RASA3: variants seen among roughly 807,000 people sequenced by gnomAD.
The protein encoded by RASA3 is ras GTPase-activating protein 3.
A neutral mutation model predicts 110.0 loss-of-function variants in RASA3; 73 were observed. That is an observed-to-expected ratio of 0.66 (90% CI 0.55 to 0.81). The LOEUF (loss-of-function observed/expected upper bound fraction) is 0.81. RASA3 is among the 30% of genes least tolerant of loss of function. The pLI, the probability that RASA3 is intolerant of heterozygous loss-of-function variation, is 0.00. For missense variants in RASA3, 976 were observed against 1,113.2 expected (o/e 0.88, Z 1.75); for synonymous variants, 500 against 451.4 (o/e 1.11, Z -1.37).
In RASA3 at chr13:114,056,631, C is replaced by T. The variant is rs1248714369; in HGVS notation, c.174-4476G>A. ...GTGCTGGCTGGGCACCTGGGAGGGTCCCGTGAGGCTTCTGGTGGTGCTGAC... is the reference window on the plus strand; with the variant it reads ...GTGCTGGCTGGGCACCTGGGAGGGTTCCGTGAGGCTTCTGGTGGTGCTGAC... On this transcript the variant is annotated intron_variant, in intron 2 of 23. Transcript: ENST00000334062. The surrounding 1 kb of genome is among the most constrained non-coding windows in gnomAD (Gnocchi z 5.7). 2.0e-6 allele frequency: 2 copies of T among 985,002 alleles called. No homozygotes were observed. The highest frequency in any genetic ancestry group is 3.5e-5 in the African/African-American group (2 of 57,108). The allele number at this position is 985,002 out of a possible 1,614,324, so 61.0% of individuals were successfully genotyped here.
At position 114,070,605 on chromosome 13, in the gene RASA3, C is replaced by T. The variant is rs575398439; in HGVS notation, c.173+3115G>A. Among the ~76,000 whole-genome samples the T allele has an allele frequency of 1.1e-3, 172 of 152,272 alleles. 2 individuals carry two copies. The highest frequency in any genetic ancestry group is 3.5e-3 in the African/African-American group (147 of 41,538). ...CAGGGCTGCCAGCGTCCACACTAAA[C>T]GGCGCCAGTGTTACACGTGGGCAGG... On this transcript the variant is annotated intron_variant, in intron 2 of 23. Coordinates refer to ENST00000334062, the MANE Select transcript of RASA3 (RefSeq NM_007368.4).
chr13:114,098,393 C>T (rs964245675), intron 1 of RASA3, among the ~76,000 whole-genome samples: 19 of 152,192 alleles, frequency 1.2e-4, no homozygotes, highest in Non-Finnish European at 2.4e-4. Flanking sequence ...CTCACACCAG[C>T]GACATCCAGG....
intron 3 of RASA3, among the ~76,000 whole-genome samples, chr13:114,051,047 C>T (rs756819040): frequency 1.3e-5 from 2 of 152,340 alleles, no homozygotes; most frequent in South Asian, 2.1e-4. Context: ...GTGTGAGCAG[C>T]GAGCGTCAGA....
rs1045501100 is a variant in RASA3 at position 114,119,483 on chromosome 13, C to T, written c.55+12952G>A. Among the ~76,000 whole-genome samples, 28 of 110,386 alleles carry T rather than the reference C, an allele frequency of 2.5e-4. 1 individual carries two copies. The highest frequency in any genetic ancestry group is 2.4e-3 in the Admixed American group (27 of 11,274). 72.4% of individuals were successfully genotyped at this position (110,386 alleles called of 152,430 possible). Reference sequence around the variant, plus strand: ...AGCAGCAGCGAGAGAACCAGCAGGGCCCCCCTCCCCTCTCCAGCCAGGCGT... The same window carrying T: ...AGCAGCAGCGAGAGAACCAGCAGGGTCCCCCTCCCCTCTCCAGCCAGGCGT... On this transcript the variant is annotated intron_variant, in intron 1 of 23. Transcript: ENST00000334062.
At chr13:114,018,962 C>A in intron 9 of RASA3, 43 bp from the exon 10 acceptor site, 1 of 1,609,684 alleles carries the variant, frequency 6.2e-7, no homozygotes, top group Non-Finnish European at 8.5e-7. Context: ...GAGGCTGCAT[C>A]TGCCAAGGAG....
At chr13:113,979,593 T>A (rs573885867) in intron 23 of RASA3, among the ~76,000 whole-genome samples, 171 bp from the exon 24 acceptor site, 37 of 152,320 alleles carry the variant, frequency 2.4e-4, no homozygotes, top group African/African-American at 7.9e-4. Context: ...CCACGGTGAC[T>A]CTGATGTGTG....
At chr13:114,020,401 C>A (rs974327808) in intron 9 of RASA3, among the ~76,000 whole-genome samples, 5 of 152,196 alleles carry the variant, frequency 3.3e-5, no homozygotes, top group African/African-American at 1.2e-4. Context: ...GCTACCAGGG[C>A]CAGGGATTCA....
intron 1 of RASA3, among the ~76,000 whole-genome samples, chr13:114,080,164 G>A (rs1317973883): frequency 1.3e-5 from 2 of 152,162 alleles, no homozygotes; most frequent in Non-Finnish European, 2.9e-5. Flanking sequence ...CCCAGGTCTT[G>A]TCCAGGGCTC....
chr13:114,038,786 G>A (rs2054332018), intron 4 of RASA3, among the ~76,000 whole-genome samples: 1 of 152,132 alleles, frequency 6.6e-6, no homozygotes, highest in Non-Finnish European at 1.5e-5. Context: ...GTTGCCGGGG[G>A]ACAAGGGTTC....
At chr13:114,071,633 G>A (rs774737328) in intron 2 of RASA3, among the ~76,000 whole-genome samples, 8 of 152,268 alleles carry the variant, frequency 5.3e-5, no homozygotes, top group South Asian at 2.1e-4. Context: ...CAGACTGGGC[G>A]CCTGACAATG....
intron 4 of RASA3, among the ~76,000 whole-genome samples, chr13:114,031,927 C>T (rs1369957927): frequency 4.6e-5 from 7 of 152,132 alleles, no homozygotes; most frequent in African/African-American, 1.4e-4. Context: ...TGCAGAACCT[C>T]GGATGGAGCA....
intron 21 of RASA3, among the ~76,000 whole-genome samples, chr13:113,995,619 TG>T (rs1162224718): frequency 8.6e-6 from 1 of 115,710 alleles, no homozygotes; most frequent in Non-Finnish European, 1.8e-5. Flanking sequence ...GCCCTGCTGA[TG>T]GGGGGCCTGA....
chr13:114,065,258 G>A lies in RASA3; in HGVS notation c.173+8462C>T, dbSNP rs534821967. On this transcript the variant is annotated intron_variant, in intron 2 of 23. Coordinates refer to ENST00000334062, the MANE Select transcript of RASA3 (RefSeq NM_007368.4). This position sits in a 1 kb window ranked among gnomAD's most constrained non-coding sequence, Gnocchi z 4.1. ...GCTGGCGCTGCCCCATCCCGCCTGC[G>A]GCTGCTCCCATCACGTGATCATAAG... Among the ~76,000 whole-genome samples the A allele has an allele frequency of 4.6e-5, 7 of 152,306 alleles. No individual in the cohort carries two copies. The South Asian group carries it at 1.0e-3, about 23-fold the overall frequency.
intron 4 of RASA3, 124 bp downstream of exon 4, chr13:114,040,876 A>G (rs1008749614): frequency 4.5e-6 from 4 of 889,298 alleles, no homozygotes; most frequent in East Asian, 4.9e-5. Context: ...CAATCTGCTC[A>G]TCGTTATTCC....
chr13:114,024,699 A>G (rs2053995232), intron 7 of RASA3, among the ~76,000 whole-genome samples: 1 of 152,120 alleles, frequency 6.6e-6, no homozygotes, highest in African/African-American at 2.4e-5. Flanking sequence ...CCCGTGAGGG[A>G]GGGAGGGTCC....
intron 2 of RASA3, among the ~76,000 whole-genome samples, chr13:114,054,126 C>CA (rs1200577670): frequency 6.7e-6 from 1 of 149,888 alleles, no homozygotes; most frequent in Non-Finnish European, 1.5e-5. Context: ...AACTCAGTCT[C>CA]AAAAAAATAA....
chr13:114,040,122 G>A (rs61973886), intron 4 of RASA3, among the ~76,000 whole-genome samples: 6,185 of 152,278 alleles, frequency 0.041, 181 homozygotes, highest in South Asian at 0.057. Flanking sequence ...AGCTTCCTCA[G>A]TTGTGCATGA....
intron 22 of RASA3, among the ~76,000 whole-genome samples, chr13:113,991,318 C>T (rs1278558383): frequency 6.6e-6 from 1 of 152,152 alleles, no homozygotes; most frequent in Non-Finnish European, 1.5e-5. Flanking sequence ...GACACTCAGG[C>T]AGGACTCATG....
chr13:114,013,692 CTG>C (rs2053703934), intron 14 of RASA3, among the ~76,000 whole-genome samples: 1 of 92,076 alleles, frequency 1.1e-5, no homozygotes, highest in African/African-American at 7.4e-5. Flanking sequence ...CTCCCTATCT[CTG>C]TCTCTCTCTC....
Sources: allele counts gnomAD v4.1 joint callset (sites outside exome capture counted in the v4.1 genomes callset), GRCh38; gene constraint gnomAD v4.1.1; non-coding constraint Gnocchi (gnomAD v3.1); transcripts MANE v1.5; gene names NCBI Gene and HGNC (gene_info 2026-07-23, HGNC 2026-07-21).